CTNNA2: variants seen among roughly 807,000 people sequenced by gnomAD.
CTNNA2 encodes catenin alpha-2.
A neutral mutation model predicts 101.0 loss-of-function variants in CTNNA2; 42 were observed. The ratio of observed to expected loss-of-function variants is 0.42; its 90% CI spans 0.32 to 0.54. The LOEUF (loss-of-function observed/expected upper bound fraction) is 0.54. Among genes scored for constraint, CTNNA2 ranks in the 20% least tolerant of loss-of-function variants. The pLI is 0.14. For missense variants in CTNNA2, 871 were observed against 1,223.1 expected (o/e 0.71, Z 4.29); for synonymous variants, 450 against 456.4 (o/e 0.99, Z 0.18).
chr2:80,534,395 C>G (rs1690811284), intron 9 of CTNNA2, among the ~76,000 whole-genome samples: 1 of 152,128 alleles, frequency 6.6e-6, no homozygotes, highest in South Asian at 2.1e-4. Flanking sequence ...CCTCCTAATT[C>G]TAGATCATAG....
intron 7 of CTNNA2, among the ~76,000 whole-genome samples, chr2:80,062,499 A>C (rs1697667238): frequency 6.6e-6 from 1 of 152,340 alleles, no homozygotes; most frequent in African/African-American, 2.4e-5. Flanking sequence ...TATTGAGCTG[A>C]CATTGCAATA....
At chr2:79,670,032 A>G (rs1682719779) in intron 2 of CTNNA2, among the ~76,000 whole-genome samples, 1 of 152,160 alleles carries the variant, frequency 6.6e-6, no homozygotes, top group Non-Finnish European at 1.5e-5. Context: ...GTGGGAGCAG[A>G]CAACTCTGAG....
At chr2:80,250,717 T>G (rs939728297) in intron 7 of CTNNA2, among the ~76,000 whole-genome samples, 17 of 152,120 alleles carry the variant, frequency 1.1e-4, no homozygotes, top group Admixed American at 7.9e-4. Context: ...AATAAAAGGT[T>G]CAGAGGCAGC....
At chr2:80,465,472 T>G (rs1013118422) in intron 9 of CTNNA2, among the ~76,000 whole-genome samples, 1 of 152,188 alleles carries the variant, frequency 6.6e-6, no homozygotes, top group African/African-American at 2.4e-5. Context: ...CTGAAAGAAC[T>G]TGGCACATGT....
chr2:79,409,966 T>A (rs1238492331), intron 4 of CTNNA2, among the ~76,000 whole-genome samples: 2 of 152,000 alleles, frequency 1.3e-5, no homozygotes, highest in African/African-American at 2.4e-5. Flanking sequence ...TTGTATCCTC[T>A]TTTATTTCAT....
rs1255496779 is a variant in CTNNA2 at position 80,575,954 on chromosome 2, CCATT to C, written c.1893+1643_1893+1646del. Among the ~76,000 whole-genome samples, 5 of 152,116 alleles carry C rather than the reference CCATT, an allele frequency of 3.3e-5. No homozygotes were observed. In the East Asian group the frequency reaches 5.8e-4, roughly 18 times the overall value. ...AAATTGTTATTTTTAAAATCCTTCTCCATTCAGCACCCAAATGGCTTCATTTTGC... is the reference window on the plus strand; with the variant it reads ...AAATTGTTATTTTTAAAATCCTTCTCCAGCACCCAAATGGCTTCATTTTGC... On this transcript the variant is annotated intron_variant, in intron 13 of 18. Transcript: ENST00000402739.
At chr2:80,115,407 G>A (rs979344458) in intron 7 of CTNNA2, among the ~76,000 whole-genome samples, 6 of 152,168 alleles carry the variant, frequency 3.9e-5, no homozygotes, top group Non-Finnish European at 7.3e-5. Context: ...TACCTGACAC[G>A]TGAAGAAATG....
intron 4 of CTNNA2, among the ~76,000 whole-genome samples, chr2:79,404,180 C>T (rs1311485171): frequency 6.6e-6 from 1 of 151,638 alleles, no homozygotes; most frequent in African/African-American, 2.4e-5. Flanking sequence ...ATTGGTAACA[C>T]CAAAAGCAGA....
At chr2:79,940,903 A>G (rs1297934412) in intron 7 of CTNNA2, among the ~76,000 whole-genome samples, 1 of 152,236 alleles carries the variant, frequency 6.6e-6, no homozygotes, top group Non-Finnish European at 1.5e-5. Flanking sequence ...TACTGAATGC[A>G]TATTGCTTTC....
chr2:80,571,400 C>T (rs1475844789), intron 12 of CTNNA2, among the ~76,000 whole-genome samples: 1 of 152,028 alleles, frequency 6.6e-6, no homozygotes, highest in African/African-American at 2.4e-5. Context: ...AGAAGTACAA[C>T]CTTGAGAATA....
intron 2 of CTNNA2, among the ~76,000 whole-genome samples, chr2:79,294,180 A>G (rs1165645922): frequency 6.7e-6 from 1 of 150,314 alleles, no homozygotes; most frequent in Non-Finnish European, 1.5e-5. Context: ...ACAGAGAGAG[A>G]GAGAGAAAGA....
chr2:79,687,354 A>T (rs1221400392), intron 2 of CTNNA2, among the ~76,000 whole-genome samples: 1 of 152,106 alleles, frequency 6.6e-6, no homozygotes. Flanking sequence ...TAAATATACA[A>T]AAGAAAATTT....
intron 6 of CTNNA2, among the ~76,000 whole-genome samples, chr2:79,905,648 G>A (rs2104301549): frequency 6.6e-6 from 1 of 152,196 alleles, no homozygotes; most frequent in Admixed American, 6.5e-5. Flanking sequence ...TGGTGGTGGT[G>A]ATTTGGTGCC....
At chr2:79,631,601 T>C (rs1438536744) in intron 1 of CTNNA2, among the ~76,000 whole-genome samples, 2 of 152,186 alleles carry the variant, frequency 1.3e-5, no homozygotes, top group African/African-American at 4.8e-5. Flanking sequence ...GTTCTACACA[T>C]GTACAAGAAA....
At chr2:79,700,467 C>A (rs569946542) in intron 2 of CTNNA2, among the ~76,000 whole-genome samples, 1 of 152,214 alleles carries the variant, frequency 6.6e-6, no homozygotes, top group East Asian at 1.9e-4. Flanking sequence ...AAATGGCCAT[C>A]TCCAGTCCCT....
At chr2:80,149,774 TCACACACACACACACACA>T (rs10595115) in intron 7 of CTNNA2, among the ~76,000 whole-genome samples, 3,318 of 143,382 alleles carry the variant, frequency 0.023, 116 homozygotes, top group African/African-American at 0.08. Flanking sequence ...TTAGAATGGA[TCACACACACACACACACA>T]CACACACACA....
chr2:80,217,038 G>T (rs1272615652), intron 7 of CTNNA2, among the ~76,000 whole-genome samples: 14 of 151,702 alleles, frequency 9.2e-5, no homozygotes, highest in Admixed American at 7.2e-4. Flanking sequence ...CACCATGTTG[G>T]CCAGGCTGGT....
chr2:79,934,920 A>G (rs1400250135), intron 7 of CTNNA2, among the ~76,000 whole-genome samples: 1 of 152,236 alleles, frequency 6.6e-6, no homozygotes, highest in African/African-American at 2.4e-5. Flanking sequence ...TGCTAAGAGG[A>G]ATTTTAGAAT....
intron 3 of CTNNA2, among the ~76,000 whole-genome samples, chr2:79,749,146 C>T (rs147198217): frequency 6.6e-6 from 1 of 152,286 alleles, no homozygotes; most frequent in African/African-American, 2.4e-5. Flanking sequence ...ATCCCCTCTA[C>T]ACCCCATGTT....
Sources: allele counts gnomAD v4.1 joint callset (sites outside exome capture counted in the v4.1 genomes callset), GRCh38; gene constraint gnomAD v4.1.1; transcripts MANE v1.5; gene names NCBI Gene and HGNC (gene_info 2026-07-23, HGNC 2026-07-21).